NUBPL: variants seen among roughly 807,000 people sequenced by gnomAD.
NUBPL encodes iron-sulfur cluster transfer protein NUBPL.
NUBPL carries 31 observed loss-of-function variants against 45.7 expected under a neutral mutation model. That is an observed-to-expected ratio of 0.68 (90% CI 0.51 to 0.92). NUBPL has a LOEUF of 0.92. NUBPL is among the 40% of genes least tolerant of loss of function. The pLI, the probability that NUBPL is intolerant of heterozygous loss-of-function variation, is 0.00. For synonymous variants in NUBPL, 144 were observed against 140.9 expected, an observed-to-expected ratio of 1.02 and a Z score of -0.15; for missense variants, 401 against 398.7, an observed-to-expected ratio of 1.01 and a Z score of -0.05.
rs1191894362 is a variant in NUBPL at position 31,860,667 on chromosome 14, G to A, written c.*1487G>A. On this transcript the variant is annotated 3_prime_UTR_variant, in exon 11 of 11. Coordinates refer to ENST00000281081, the MANE Select transcript of NUBPL (RefSeq NM_025152.3). ...GGCATAGAGTTTCACATTATTATAA[G>A]CATGTTTTCACACAAAAACATGTAC... The A allele has an allele frequency of 6.6e-6, 1 of 152,096 alleles. No homozygotes were observed. Among genetic ancestry groups the A allele is most frequent in the African/African-American group, 2.4e-5 (1 of 41,408 alleles). 9.4% of individuals were successfully genotyped at this position (152,096 alleles called of 1,614,324 possible). A position where few individuals can be genotyped will look rare whatever the true frequency, so the allele number is the denominator to read the frequency against.
intron 6 of NUBPL, among the ~76,000 whole-genome samples, chr14:31,686,525 C>A (rs1166279772): frequency 6.6e-6 from 1 of 152,176 alleles, no homozygotes; most frequent in Non-Finnish European, 1.5e-5. Flanking sequence ...AATCAGGTCT[C>A]TAGCAAAGCA....
chr14:31,692,974 G>C (rs1472345676), intron 6 of NUBPL, among the ~76,000 whole-genome samples: 1 of 151,990 alleles, frequency 6.6e-6, no homozygotes, highest in Non-Finnish European at 1.5e-5. Flanking sequence ...AATATTTGCA[G>C]CAGTAGAGGT....
At chr14:31,704,863 T>C (rs771996748) in intron 6 of NUBPL, among the ~76,000 whole-genome samples, 2 of 152,180 alleles carry the variant, frequency 1.3e-5, no homozygotes, top group Non-Finnish European at 2.9e-5. Flanking sequence ...ACTTCAAGAA[T>C]GAAGCCGCGG....
chr14:31,720,078 A>G (rs1338572793), intron 6 of NUBPL, among the ~76,000 whole-genome samples: 2 of 152,186 alleles, frequency 1.3e-5, no homozygotes, highest in Admixed American at 6.5e-5. Context: ...CAATGTGGAA[A>G]GTGCCTAGAT....
At chr14:31,755,257 C>A (rs1185871185) in intron 6 of NUBPL, among the ~76,000 whole-genome samples, 4 of 151,954 alleles carry the variant, frequency 2.6e-5, no homozygotes, top group African/African-American at 9.7e-5. Context: ...AGTTCTAGAT[C>A]CCTGAGGAAT....
In NUBPL at chr14:31,642,128, G is replaced by T. The variant is rs548471035; in HGVS notation, c.383-31227G>T. 2.6e-5 allele frequency among the ~76,000 whole-genome samples: 4 copies of T among 152,094 alleles called. No individual in the cohort carries two copies. In the South Asian group the frequency reaches 6.2e-4, roughly 24 times the overall value. ...TACAAATATTTTCTCTCATTCTGTG[G>T]GTGGTCTTTTCTCCTTGTTGATTGT... On this transcript the variant is annotated intron_variant, in intron 4 of 10. Coordinates refer to ENST00000281081, the MANE Select transcript of NUBPL (RefSeq NM_025152.3).
chr14:31,602,553 G>C lies in NUBPL; in HGVS notation c.382+3174G>C, dbSNP rs182363292. Among the ~76,000 whole-genome samples the C allele has an allele frequency of 2.2e-3, 327 of 152,066 alleles. 1 individual carries two copies. The highest frequency in any genetic ancestry group is 7.5e-3 in the African/African-American group (313 of 41,484). ...TAAAAAGAAATCAGACATGGTACTG[G>C]ACTGCCTGGGTTTGATTCTCAGCCC... On this transcript the variant is annotated intron_variant, in intron 4 of 10. Transcript: ENST00000281081.
intron 3 of NUBPL, among the ~76,000 whole-genome samples, chr14:31,598,064 A>T (rs1045043655): frequency 6.6e-6 from 1 of 152,106 alleles, no homozygotes; most frequent in African/African-American, 2.4e-5. Flanking sequence ...AAAATCAAGT[A>T]TCCTTCCTAT....
intron 6 of NUBPL, among the ~76,000 whole-genome samples, chr14:31,677,625 C>T (rs938847140): frequency 6.6e-6 from 1 of 152,192 alleles, no homozygotes; most frequent in Non-Finnish European, 1.5e-5. Context: ...TTCAGAGGCT[C>T]TTGTTCTCTT....
intron 6 of NUBPL, among the ~76,000 whole-genome samples, chr14:31,787,300 A>G (rs1479402901): frequency 6.6e-6 from 1 of 152,168 alleles, no homozygotes; most frequent in Admixed American, 6.6e-5. Context: ...TGTTAATAAT[A>G]TTGGGACTCA....
intron 7 of NUBPL, among the ~76,000 whole-genome samples, chr14:31,788,849 T>A (rs149183820): frequency 3.9e-5 from 6 of 152,330 alleles, no homozygotes; most frequent in African/African-American, 1.4e-4. Context: ...CTCCTGCTCA[T>A]GTCTAGCTAT....
intron 7 of NUBPL, among the ~76,000 whole-genome samples, chr14:31,823,523 A>G (rs2040051237): frequency 6.6e-6 from 1 of 152,136 alleles, no homozygotes; most frequent in Non-Finnish European, 1.5e-5. Flanking sequence ...TTATGTAGGA[A>G]GAGAATAGCT....
At chr14:31,646,633 G>A (rs1019837819) in intron 4 of NUBPL, among the ~76,000 whole-genome samples, 13 of 151,902 alleles carry the variant, frequency 8.6e-5, no homozygotes, top group African/African-American at 2.9e-4. Context: ...GCTGCTTTTA[G>A]TATCCTTTCT....
At chr14:31,822,708 A>T (rs2040037822) in intron 7 of NUBPL, among the ~76,000 whole-genome samples, 2 of 152,044 alleles carry the variant, frequency 1.3e-5, no homozygotes, top group Non-Finnish European at 2.9e-5. Flanking sequence ...AGACAAAAAA[A>T]ATTTTACACC....
At chr14:31,821,355 A>G (rs1261628204) in intron 7 of NUBPL, among the ~76,000 whole-genome samples, 1 of 152,200 alleles carries the variant, frequency 6.6e-6, no homozygotes, top group Non-Finnish European at 1.5e-5. Context: ...AAATCTAACA[A>G]TCCTGTTTAA....
chr14:31,747,135 C>CTTTT (rs138378744), intron 6 of NUBPL, among the ~76,000 whole-genome samples: 5 of 126,270 alleles, frequency 4.0e-5, no homozygotes, highest in African/African-American at 1.6e-4. Context: ...CAGTCCTGGG[C>CTTTT]TTTTCTTTTT....
chr14:31,682,878 A>T (rs2036864260), intron 6 of NUBPL, among the ~76,000 whole-genome samples: 1 of 152,138 alleles, frequency 6.6e-6, no homozygotes, highest in African/African-American at 2.4e-5. Context: ...CAGACTGTAC[A>T]AGAAGCATGG....
intron 2 of NUBPL, among the ~76,000 whole-genome samples, chr14:31,564,135 C>T (rs1015007451): frequency 2.0e-5 from 3 of 152,106 alleles, no homozygotes; most frequent in Non-Finnish European, 4.4e-5. Context: ...ACATTATGAG[C>T]GCCTATTTGT....
At chr14:31,785,372 G>C (rs2039265633) in intron 6 of NUBPL, among the ~76,000 whole-genome samples, 1 of 152,212 alleles carries the variant, frequency 6.6e-6, no homozygotes, top group Non-Finnish European at 1.5e-5. Context: ...CAATGGGTTA[G>C]TGAATGAAGC....
Sources: gnomAD v4.1 joint callset for allele counts (sites outside exome capture counted in the v4.1 genomes callset) on GRCh38, gnomAD v4.1.1 for gene constraint, MANE v1.5 for transcripts, NCBI Gene and HGNC (gene_info 2026-07-23, HGNC 2026-07-21) for gene names.